TAF1B: variants seen among roughly 807,000 people sequenced by gnomAD.
TAF1B encodes TATA box-binding protein-associated factor RNA polymerase I subunit B.
TAF1B carries 61 observed loss-of-function variants against 83.9 expected under a neutral mutation model. That is an observed-to-expected ratio of 0.73 (90% confidence interval 0.59 to 0.90). The LOEUF (loss-of-function observed/expected upper bound fraction) is 0.90, where lower values mean the gene tolerates loss of function less well. Ranked by LOEUF, TAF1B falls within the 40% of genes least tolerant of loss-of-function variation. TAF1B has a pLI of 0.00. For synonymous variants in TAF1B, 221 were observed against 224.6 expected (o/e 0.98, Z 0.14); for missense variants, 625 against 677.0 (o/e 0.92, Z 0.85).
In TAF1B at chr2:9,898,846, T is replaced by A. The variant is rs1055032055; in HGVS notation, c.808-6013T>A. 7.2e-5 allele frequency among the ~76,000 whole-genome samples: 11 copies of A among 152,310 alleles called. No homozygotes were observed. In the South Asian group the frequency reaches 1.7e-3, roughly 23 times the overall value. On this transcript the variant is annotated intron_variant, in intron 8 of 14. Coordinates refer to ENST00000263663, the MANE Select transcript of TAF1B (RefSeq NM_005680.3). ...TAGATTTCATATATGCTGAATTTTT[T>A]AAATTTCCAGCTTTATTACACTTCT...
intron 2 of TAF1B, among the ~76,000 whole-genome samples, chr2:9,847,310 AC>A (rs1310637071): frequency 6.6e-6 from 1 of 152,212 alleles, no homozygotes; most frequent in East Asian, 1.9e-4. Context: ...AAAAAAAGTT[AC>A]GTGTTGCACA....
chr2:9,845,206 C>G lies in TAF1B; in HGVS notation c.19-14C>G. ...GCTTGATGGGAACACCTTTTCTGTC[C>G]TCTTCTCCCATAGGAAGAGTTTAAA... On this transcript the variant is annotated splice_polypyrimidine_tract_variant and intron_variant, in intron 1 of 14. Coordinates refer to ENST00000263663, the MANE Select transcript of TAF1B (RefSeq NM_005680.3). 8.1e-6 allele frequency: 13 copies of G among 1,601,924 alleles called. No individual in the cohort carries two copies. The highest frequency in any genetic ancestry group is 1.0e-5 in the Non-Finnish European group (12 of 1,172,040).
intron 5 of TAF1B, among the ~76,000 whole-genome samples, chr2:9,858,166 A>G (rs372195014): frequency 1.3e-5 from 2 of 152,268 alleles, no homozygotes; most frequent in South Asian, 2.1e-4. Context: ...ATGAGGTTAC[A>G]GGCATTGGGT....
chr2:9,927,170 T>C (rs1478332172), intron 14 of TAF1B, among the ~76,000 whole-genome samples: 5 of 152,172 alleles, frequency 3.3e-5, no homozygotes, highest in African/African-American at 1.2e-4. Flanking sequence ...GGTTTCCAGC[T>C]TCATTCATGT....
At chr2:9,864,065 A>G (rs1334348962) in intron 5 of TAF1B, among the ~76,000 whole-genome samples, 3 of 152,180 alleles carry the variant, frequency 2.0e-5, no homozygotes, top group South Asian at 4.1e-4. Context: ...AACACATTCA[A>G]AAGCTAGCAG....
intron 4 of TAF1B, 53 bp from the exon 5 acceptor site, chr2:9,854,273 A>G (rs1404421339): frequency 4.0e-6 from 5 of 1,252,162 alleles, no homozygotes; most frequent in Non-Finnish European, 5.9e-6. Context: ...ATGTGCCTGT[A>G]CATTTGTTGT....
intron 8 of TAF1B, among the ~76,000 whole-genome samples, chr2:9,898,931 CTT>C (rs1558256684): frequency 2.2e-5 from 3 of 137,052 alleles, no homozygotes; most frequent in South Asian, 2.3e-4. Flanking sequence ...ACTTACATTC[CTT>C]TTTTCTTTTT....
rs1219855589 is a variant in TAF1B, at chr2:9,913,682, A to T, written c.1271+433A>T. 2.0e-5 allele frequency: 3 copies of T among 152,916 alleles called. No homozygotes were observed. In the East Asian group the frequency reaches 5.7e-4, roughly 29 times the overall value. The allele number at this position is 152,916 out of a possible 1,614,324, so 9.5% of individuals were successfully genotyped here. ...ATTGGAATGTTCCCCCAAAATAAAG[A>T]TCCCTGTGAAAATTAAAACAAAGGA... is the stretch of plus-strand genomic sequence containing the variant. On this transcript the variant is annotated intron_variant, in intron 12 of 14. Transcript: ENST00000263663.
intron 5 of TAF1B, among the ~76,000 whole-genome samples, chr2:9,867,093 AT>A (rs1664005677): frequency 6.6e-6 from 1 of 152,242 alleles, no homozygotes; most frequent in African/African-American, 2.4e-5. Flanking sequence ...TAATAAAAAA[AT>A]TTTTAAATAA....
At chr2:9,886,209 C>CAA (rs200539806) in intron 8 of TAF1B, among the ~76,000 whole-genome samples, 33,096 of 144,942 alleles carry the variant, frequency 0.23, 4,448 homozygotes, top group East Asian at 0.31. Flanking sequence ...CTGTTTGGAT[C>CAA]AAAAAAAAAA....
chr2:9,843,860 G>C lies in TAF1B; in HGVS notation c.18+301G>C, dbSNP rs544220750. 3.2e-4 allele frequency: 96 copies of C among 302,202 alleles called. 2 individuals are homozygous for C. The South Asian group carries it at 8.3e-3, about 26-fold the overall frequency. 18.7% of individuals were successfully genotyped at this position (302,202 alleles called of 1,614,324 possible). A position where few individuals can be genotyped will look rare whatever the true frequency, so the allele number is the denominator to read the frequency against. On this transcript the variant is annotated intron_variant, in intron 1 of 14. Transcript: ENST00000263663. ...GGGTTTTGTGGGGTGGCCACCCACA[G>C]GGCTCATCCTCGAGACTGGACCACC...
chr2:9,880,043 G>A (rs527694138), intron 7 of TAF1B, among the ~76,000 whole-genome samples: 39 of 152,210 alleles, frequency 2.6e-4, no homozygotes, highest in Admixed American at 9.2e-4. Flanking sequence ...GTGGAAGCAC[G>A]GAGACCAGGT....
At chr2:9,877,710 CAG>C (rs577844023) in intron 7 of TAF1B, among the ~76,000 whole-genome samples, 5 of 152,254 alleles carry the variant, frequency 3.3e-5, no homozygotes, top group Non-Finnish European at 7.4e-5. Context: ...AAGGGGCTAA[CAG>C]AACTCTCCTA....
At chr2:9,890,227 G>T (rs188972021) in intron 8 of TAF1B, among the ~76,000 whole-genome samples, 9 of 152,280 alleles carry the variant, frequency 5.9e-5, no homozygotes, top group Admixed American at 5.2e-4. Context: ...TTCTCTAAGG[G>T]ATTAGTGTCC....
intron 8 of TAF1B, among the ~76,000 whole-genome samples, chr2:9,895,590 ATT>A (rs1433076300): frequency 2.0e-5 from 3 of 152,206 alleles, no homozygotes; most frequent in Non-Finnish European, 2.9e-5. Context: ...AAGGTGAACT[ATT>A]TATGCATCAT....
intron 4 of TAF1B, 83 bp from the exon 5 acceptor site, chr2:9,854,243 A>G (rs1424355494): frequency 2.2e-6 from 2 of 919,520 alleles, no homozygotes; most frequent in Non-Finnish European, 3.5e-6. Context: ...TATTTAAAGT[A>G]CAAGAGAGCT....
At chr2:9,880,075 C>CA (rs1482554447) in intron 7 of TAF1B, among the ~76,000 whole-genome samples, 1 of 152,076 alleles carries the variant, frequency 6.6e-6, no homozygotes, top group Non-Finnish European at 1.5e-5. Flanking sequence ...ATCCTCCAGG[C>CA]AAGAGATGGT....
chr2:9,932,932 C>T (rs1666261761), intron 14 of TAF1B, among the ~76,000 whole-genome samples: 1 of 152,236 alleles, frequency 6.6e-6, no homozygotes, highest in Non-Finnish European at 1.5e-5. Flanking sequence ...TCTCAGACTG[C>T]TGCACTAGCA....
At chr2:9,847,493 G>A (rs1248629900) in intron 2 of TAF1B, among the ~76,000 whole-genome samples, 1 of 152,158 alleles carries the variant, frequency 6.6e-6, no homozygotes, top group Non-Finnish European at 1.5e-5. Flanking sequence ...AAGAATGGAA[G>A]TCATGGTGCA....
Sources: allele counts gnomAD v4.1 joint callset (sites outside exome capture counted in the v4.1 genomes callset), GRCh38; gene constraint gnomAD v4.1.1; transcripts MANE v1.5; gene names NCBI Gene and HGNC (gene_info 2026-07-23, HGNC 2026-07-21).